Variants in TMEM182 observed in about 807,000 individuals in gnomAD.
TMEM182 encodes transmembrane protein 182.
A neutral mutation model predicts 26.8 loss-of-function variants in TMEM182; 20 were observed. The observed-to-expected ratio is 0.75, with a 90% CI of 0.53 to 1.09. The LOEUF is 1.09. Among genes scored for constraint, TMEM182 ranks in the 50% least tolerant of loss-of-function variants. The pLI is 0.00. For synonymous variants in TMEM182, 109 were observed against 102.2 expected (o/e 1.07, Z -0.40); for missense variants, 277 against 275.5 (o/e 1.01, Z -0.04).
At chr2:102,786,118 A>G (rs1415805610) in intron 3 of TMEM182, among the ~76,000 whole-genome samples, 1 of 145,962 alleles carries the variant, frequency 6.9e-6, no homozygotes, top group Non-Finnish European at 1.5e-5. Flanking sequence ...ATTGGGCAGG[A>G]GGATTTACAG....
intron 2 of TMEM182, among the ~76,000 whole-genome samples, chr2:102,763,729 G>T (rs552992754): frequency 2.0e-5 from 3 of 152,286 alleles, no homozygotes; most frequent in Admixed American, 2.0e-4. Context: ...TTTTGCCAAA[G>T]ACTTGGAGAA....
At chr2:102,808,718 TATACTC>T (rs1483000672) in intron 4 of TMEM182, among the ~76,000 whole-genome samples, 2 of 152,220 alleles carry the variant, frequency 1.3e-5, no homozygotes, top group East Asian at 1.9e-4. Flanking sequence ...CAAATTTTGA[TATACTC>T]ATACGATGGA....
chr2:102,831,712 G>A (rs561383001), intron 3 of TMEM182, among the ~76,000 whole-genome samples: 1 of 151,764 alleles, frequency 6.6e-6, no homozygotes, highest in East Asian at 1.9e-4. Flanking sequence ...AGCTGAAATC[G>A]CACCACTGCA....
chr2:102,814,362 AG>A (rs755036905), intron 4 of TMEM182, among the ~76,000 whole-genome samples: 10 of 152,170 alleles, frequency 6.6e-5, no homozygotes, highest in African/African-American at 9.7e-5. Context: ...ATGTATTGAA[AG>A]AAATAACATA....
intron 3 of TMEM182, among the ~76,000 whole-genome samples, chr2:102,836,324 G>A (rs1683246911): frequency 6.6e-6 from 1 of 152,196 alleles, no homozygotes; most frequent in African/African-American, 2.4e-5. Context: ...ATCTTCGAAA[G>A]TAGCTGCACA....
At chr2:102,737,662 AG>A (rs977734347) in intron 1 of TMEM182, among the ~76,000 whole-genome samples, 7 of 152,192 alleles carry the variant, frequency 4.6e-5, no homozygotes, top group Non-Finnish European at 1.0e-4. Flanking sequence ...TTTAGGACCC[AG>A]AAGGCCATAA....
intron 3 of TMEM182, among the ~76,000 whole-genome samples, chr2:102,782,741 T>C (rs1573528606): frequency 6.6e-6 from 1 of 152,228 alleles, no homozygotes; most frequent in Non-Finnish European, 1.5e-5. Context: ...ATAGTCACTT[T>C]AAAACAAGAT....
At chr2:102,789,392 A>G (rs1681539559) in intron 3 of TMEM182, among the ~76,000 whole-genome samples, 1 of 152,242 alleles carries the variant, frequency 6.6e-6, no homozygotes, top group Non-Finnish European at 1.5e-5. Flanking sequence ...TATACCCTCT[A>G]TGAAAGAAGG....
At chr2:102,839,555 A>G (rs1683309769) in intron 3 of TMEM182, among the ~76,000 whole-genome samples, 1 of 151,516 alleles carries the variant, frequency 6.6e-6, no homozygotes, top group Admixed American at 6.6e-5. Flanking sequence ...AAAGATCTAA[A>G]CTTTAGATCC....
At chr2:102,800,853 T>C (rs1235313062) in intron 4 of TMEM182, among the ~76,000 whole-genome samples, 1 of 149,858 alleles carries the variant, frequency 6.7e-6, no homozygotes, top group Non-Finnish European at 1.5e-5. Context: ...TTAGTAGCTT[T>C]GAAAAAAAAT....
intron 3 of TMEM182, among the ~76,000 whole-genome samples, chr2:102,786,210 G>GTTGT (rs1681384272): frequency 1.1e-5 from 1 of 91,796 alleles, no homozygotes; most frequent in African/African-American, 4.4e-5. Flanking sequence ...TCAGCAATCT[G>GTTGT]TTTTTTTTTT....
chr2:102,814,974 CTG>C lies in TMEM182; in HGVS notation c.*8_*9del. On this transcript the variant is annotated 3_prime_UTR_variant, in exon 5 of 5. Coordinates refer to ENST00000412401, the MANE Select transcript of TMEM182 (RefSeq NM_144632.5). ...ATATTCAGATACATCACTAAATCAA[CTG>C]TTGCCACAAGTATTTTCTTGAGAGA... 5 of 1,613,142 alleles carry C rather than the reference CTG, an allele frequency of 3.1e-6. No individual in the cohort carries two copies. Among genetic ancestry groups the C allele is most frequent in the Non-Finnish European group, 4.2e-6 (5 of 1,179,626 alleles).
intron 1 of TMEM182, among the ~76,000 whole-genome samples, chr2:102,755,133 G>A (rs184459401): frequency 4.6e-5 from 7 of 152,262 alleles, no homozygotes; most frequent in Admixed American, 4.6e-4. Flanking sequence ...GAAGCTGGAA[G>A]AATCTCCAAA....
intron 3 of TMEM182, among the ~76,000 whole-genome samples, chr2:102,776,739 A>C (rs1364759958): frequency 6.6e-6 from 1 of 152,190 alleles, no homozygotes; most frequent in Non-Finnish European, 1.5e-5. Flanking sequence ...GCGGTCTTCC[A>C]AAGAGACCAT....
chr2:102,814,745 C>T lies in TMEM182; in HGVS notation c.470-3C>T. ...TAACAGTCTTCTGTTTCATCCTTCT[C>T]AGGCATCCTATTTTCATTGGTGGTG... On this transcript the variant is annotated splice_polypyrimidine_tract_variant and splice_region_variant and intron_variant, in intron 4 of 4. Transcript: ENST00000412401. The T allele has an allele frequency of 6.2e-7, 1 of 1,611,688 alleles. No individual in the cohort carries two copies. The highest frequency in any genetic ancestry group is 8.5e-7 in the Non-Finnish European group (1 of 1,178,582).
chr2:102,818,914 T>G (rs1259213528), downstream of TMEM182, among the ~76,000 whole-genome samples: 1 of 152,186 alleles, frequency 6.6e-6, no homozygotes, highest in Admixed American at 6.5e-5. Flanking sequence ...TTCACTGAAA[T>G]GACAGGATAG....
chr2:102,801,719 T>A (rs992095183), intron 4 of TMEM182, among the ~76,000 whole-genome samples: 15 of 152,048 alleles, frequency 9.9e-5, no homozygotes, highest in Admixed American at 9.2e-4. Flanking sequence ...GAAAATTTGT[T>A]TTTCTTCTCC....
At chr2:102,765,955 A>G (rs1001692851) in intron 3 of TMEM182, among the ~76,000 whole-genome samples, 8 of 152,194 alleles carry the variant, frequency 5.3e-5, no homozygotes, top group African/African-American at 1.2e-4. Flanking sequence ...GATGGATGGC[A>G]TAGGAAAGAA....
At chr2:102,814,561 A>G (rs776740166) in intron 4 of TMEM182, among the ~76,000 whole-genome samples, 187 bp from the exon 5 acceptor site, 5 of 152,180 alleles carry the variant, frequency 3.3e-5, no homozygotes, top group South Asian at 4.1e-4. Flanking sequence ...CCTCCTCTCA[A>G]TGCTTTGAAG....
Sources: allele counts gnomAD v4.1 joint callset (sites outside exome capture counted in the v4.1 genomes callset), GRCh38; gene constraint gnomAD v4.1.1; transcripts MANE v1.5; gene names NCBI Gene and HGNC (gene_info 2026-07-23, HGNC 2026-07-21).